The following MACROD2 variants were observed in gnomAD, a reference collection of about 807,000 sequenced individuals.
MACROD2 encodes the protein mono-ADP ribosylhydrolase 2.
Under a neutral mutation model 70.4 loss-of-function variants are expected in MACROD2, and 36 were observed. The observed-to-expected ratio is 0.51, with a 90% CI of 0.39 to 0.68. MACROD2 has a LOEUF of 0.68. Ranked by LOEUF, MACROD2 falls within the 30% of genes least tolerant of loss-of-function variation. The pLI, the probability that MACROD2 is intolerant of heterozygous loss-of-function variation, is 0.00. For missense variants in MACROD2, 496 were observed against 538.4 expected (o/e 0.92, Z 0.78); for synonymous variants, 172 against 178.8 (o/e 0.96, Z 0.30).
chr20:14,081,874 A>C (rs1395095704), intron 2 of MACROD2, among the ~76,000 whole-genome samples: 1 of 152,220 alleles, frequency 6.6e-6, no homozygotes. Flanking sequence ...CTGTAAGTAT[A>C]ATCTGACTGT....
chr20:14,643,203 T>A (rs1985190499), intron 4 of MACROD2, among the ~76,000 whole-genome samples: 1 of 152,192 alleles, frequency 6.6e-6, no homozygotes, highest in African/African-American at 2.4e-5. Flanking sequence ...CCATCCATTT[T>A]TCTATATGGA....
At chr20:14,170,050 T>C (rs2081207377) in intron 3 of MACROD2, among the ~76,000 whole-genome samples, 1 of 152,078 alleles carries the variant, frequency 6.6e-6, no homozygotes, top group Non-Finnish European at 1.5e-5. Flanking sequence ...CATGCCACCA[T>C]GCCCAGCTAA....
At chr20:14,687,263 C>G (rs1339792296) in intron 5 of MACROD2, among the ~76,000 whole-genome samples, 3 of 152,106 alleles carry the variant, frequency 2.0e-5, no homozygotes, top group Non-Finnish European at 4.4e-5. Context: ...TCAAATTTCT[C>G]CAAATCTGAA....
intron 8 of MACROD2, among the ~76,000 whole-genome samples, chr20:15,686,887 A>T (rs1448362409): frequency 6.6e-6 from 1 of 151,594 alleles, no homozygotes; most frequent in Admixed American, 6.6e-5. Context: ...AAAAAAAAAA[A>T]AAAAAATACA....
chr20:15,765,733 A>G (rs74179786), intron 8 of MACROD2, among the ~76,000 whole-genome samples: 11,432 of 152,302 alleles, frequency 0.075, 573 homozygotes, highest in South Asian at 0.15. Context: ...ATGTCAAGAT[A>G]GACATATCAC....
At chr20:14,122,587 A>G (rs556610612) in intron 3 of MACROD2, among the ~76,000 whole-genome samples, 207 of 152,316 alleles carry the variant, frequency 1.4e-3, no homozygotes, top group Non-Finnish European at 2.1e-3. Context: ...ATTAAAGAGT[A>G]TCTATTTTCC....
Position 15,180,995 on chromosome 20 carries a change from A to C in MACROD2, c.419-48945A>C, listed in dbSNP as rs564293772. Reference sequence around the variant, plus strand: ...GCAGTGGTCCCATTAATTTAGTAGAATAAAAGTTACACATGTTTTTATTGT... The same window carrying C: ...GCAGTGGTCCCATTAATTTAGTAGACTAAAAGTTACACATGTTTTTATTGT... On this transcript the variant is annotated intron_variant, in intron 5 of 17. Transcript: ENST00000684519. Among the ~76,000 whole-genome samples, 7 of 152,330 alleles carry C rather than the reference A, an allele frequency of 4.6e-5. No homozygotes were observed. The East Asian group carries it at 1.2e-3, about 25-fold the overall frequency.
chr20:15,250,199 A>G (rs1273154951), intron 6 of MACROD2, among the ~76,000 whole-genome samples: 1 of 152,190 alleles, frequency 6.6e-6, no homozygotes, highest in African/African-American at 2.4e-5. Context: ...CACCAGCCCT[A>G]CACCACACAG....
chr20:14,952,612 A>T (rs566525365), intron 5 of MACROD2, among the ~76,000 whole-genome samples: 7 of 152,026 alleles, frequency 4.6e-5, no homozygotes, highest in East Asian at 1.9e-4. Context: ...TGATTAAAAA[A>T]TTTTCTTGCT....
chr20:14,034,687 G>A (rs1392701162), intron 2 of MACROD2, among the ~76,000 whole-genome samples: 2 of 152,116 alleles, frequency 1.3e-5, no homozygotes, highest in Non-Finnish European at 2.9e-5. Flanking sequence ...TTCGTCAGCC[G>A]TTTATTATAA....
chr20:15,883,324 G>T (rs1465633065), intron 9 of MACROD2, among the ~76,000 whole-genome samples: 1 of 151,990 alleles, frequency 6.6e-6, no homozygotes, highest in African/African-American at 2.4e-5. Flanking sequence ...AAGATGTTAA[G>T]TTCAGGGAAG....
Position 15,956,526 on chromosome 20 carries a change from G to A in MACROD2, c.908-11027G>A, listed in dbSNP as rs76711551. Among the ~76,000 whole-genome samples the A allele has an allele frequency of 2.6e-4, 39 of 152,278 alleles. No homozygotes were observed. The East Asian group carries it at 4.8e-3, about 19-fold the overall frequency. On this transcript the variant is annotated intron_variant, in intron 12 of 17. Transcript: ENST00000684519. ...AGTGGAAAATCTGTGGGCAGTCCAC[G>A]TGAGGATACTTATCCAAAAGTCCTA... is the stretch of plus-strand genomic sequence containing the variant.
At chr20:15,347,972 A>C (rs1349083948) in intron 6 of MACROD2, among the ~76,000 whole-genome samples, 1 of 152,220 alleles carries the variant, frequency 6.6e-6, no homozygotes, top group Admixed American at 6.5e-5. Flanking sequence ...TTTTCCTTGC[A>C]AGTATGTCAA....
chr20:16,038,030 T>A (rs915442956), intron 15 of MACROD2, among the ~76,000 whole-genome samples: 2 of 150,782 alleles, frequency 1.3e-5, no homozygotes, highest in African/African-American at 4.9e-5. Flanking sequence ...TTATTTCAAA[T>A]TCAAATTTGA....
chr20:15,848,763 G>T (rs2064263265), intron 8 of MACROD2, among the ~76,000 whole-genome samples: 1 of 152,100 alleles, frequency 6.6e-6, no homozygotes, highest in African/African-American at 2.4e-5. Flanking sequence ...TTCCTCAAGT[G>T]GTCTTTCCTT....
intron 8 of MACROD2, among the ~76,000 whole-genome samples, chr20:15,526,455 C>A (rs1400808941): frequency 6.6e-6 from 1 of 151,932 alleles, no homozygotes; most frequent in East Asian, 1.9e-4. Flanking sequence ...AAAAATTGAC[C>A]CAAAGATGTG....
intron 4 of MACROD2, among the ~76,000 whole-genome samples, chr20:14,554,638 G>A (rs774025210): frequency 6.6e-6 from 1 of 152,114 alleles, no homozygotes; most frequent in Non-Finnish European, 1.5e-5. Context: ...AGGGAGGGAT[G>A]AGTGTGTATT....
At chr20:14,370,834 T>C (rs1215639835) in intron 3 of MACROD2, among the ~76,000 whole-genome samples, 1 of 152,216 alleles carries the variant, frequency 6.6e-6, no homozygotes, top group Non-Finnish European at 1.5e-5. Flanking sequence ...TAAGTAACAA[T>C]TGCATTTTCA....
chr20:14,207,281 T>A (rs949755598), intron 3 of MACROD2, among the ~76,000 whole-genome samples: 1 of 152,080 alleles, frequency 6.6e-6, no homozygotes, highest in Non-Finnish European at 1.5e-5. Flanking sequence ...TGGTTTTTTT[T>A]AGTAGAGACG....
Sources: gnomAD v4.1 joint callset for allele counts (sites outside exome capture counted in the v4.1 genomes callset) on GRCh38, gnomAD v4.1.1 for gene constraint, MANE v1.5 for transcripts, NCBI Gene and HGNC (gene_info 2026-07-23, HGNC 2026-07-21) for gene names.